The following STOX2 variants were observed in gnomAD, a reference collection of about 807,000 sequenced individuals.
STOX2 encodes the protein storkhead box 2, also known as storkhead-box protein 2.
A neutral mutation model predicts 60.9 loss-of-function variants in STOX2; 28 were observed. That is an observed-to-expected ratio of 0.46 (90% CI 0.34 to 0.63). The LOEUF (loss-of-function observed/expected upper bound fraction) is 0.63, where lower values mean the gene tolerates loss of function less well. Among genes scored for constraint, STOX2 ranks in the 30% least tolerant of loss-of-function variants. STOX2 has a pLI of 0.01. For missense variants in STOX2, 1,024 were observed against 1,187.7 expected (o/e 0.86, Z 2.03); for synonymous variants, 472 against 463.9 (o/e 1.02, Z -0.22).
intron 1 of STOX2, among the ~76,000 whole-genome samples, chr4:183,969,460 G>A (rs1377835117): frequency 1.3e-5 from 2 of 152,206 alleles, no homozygotes; most frequent in East Asian, 1.9e-4. Flanking sequence ...ACAGCAACAC[G>A]GTTTGCTTTG....
rs187090678 is a variant in STOX2 at position 183,936,013 on chromosome 4, C to T, written c.166+29057C>T. On this transcript the variant is annotated intron_variant, in intron 1 of 3. Transcript: ENST00000308497. ...TTTAGATTTTGTATTTCACGACATT[C>T]GTGGGAGAAAAAGCGTTACTTCTTT... Among the ~76,000 whole-genome samples the T allele has an allele frequency of 1.9e-3, 296 of 152,248 alleles. 2 individuals are homozygous for T. Among genetic ancestry groups the T allele is most frequent in the African/African-American group, 6.7e-3 (277 of 41,556 alleles).
At chr4:183,902,451 C>G (rs1274182487), upstream of STOX2, among the ~76,000 whole-genome samples, 1 of 152,098 alleles carries the variant, frequency 6.6e-6, no homozygotes, top group Admixed American at 6.5e-5. Flanking sequence ...AATCGATTTG[C>G]TTTATCATTC....
At chr4:183,878,644 A>G (rs574756369) in intron 1 of STOX2, among the ~76,000 whole-genome samples, 19 of 152,366 alleles carry the variant, frequency 1.2e-4, no homozygotes, top group African/African-American at 3.8e-4. Context: ...AATTTTCTGT[A>G]TAACGACCTC....
intron 1 of STOX2, among the ~76,000 whole-genome samples, chr4:183,926,414 GC>G (rs1295059308): frequency 6.6e-6 from 1 of 152,134 alleles, no homozygotes. Context: ...CCTCATAGGA[GC>G]CAGTGATATT....
intron 1 of STOX2, among the ~76,000 whole-genome samples, chr4:183,956,751 A>G (rs1013770055): frequency 1.3e-5 from 2 of 151,748 alleles, no homozygotes; most frequent in Non-Finnish European, 2.9e-5. Context: ...TAAATTCCAA[A>G]CTCTAAGGAT....
rs1198145483 is a variant in STOX2, at chr4:184,009,928, C to T, written c.1090C>T (p.Arg364Trp). Reference protein sequence around the residue: ...SGRSKKSRTHRKSHGKSRSHS... With the variant: ...SGRSKKSRTHWKSHGKSRSHS... Reference sequence around the variant, plus strand: ...AAGGAGTAAAAAGAGTAGGACTCATCGGAAGTCCCATGGAAAGTCTCGGTC... The same window carrying T: ...AAGGAGTAAAAAGAGTAGGACTCATTGGAAGTCCCATGGAAAGTCTCGGTC... The change falls in exon 3 of 4, where the codon CGG (arginine) becomes TGG (tryptophan). Residue 364 changes from arginine to tryptophan, a missense_variant. Coordinates refer to ENST00000308497, the MANE Select transcript of STOX2 (RefSeq NM_020225.3). The surrounding 1 kb of genome is among the most constrained non-coding windows in gnomAD (Gnocchi z 4.0). 7.4e-6 allele frequency: 12 copies of T among 1,612,932 alleles called. No homozygotes were observed. The highest frequency in any genetic ancestry group is 1.0e-5 in the Non-Finnish European group (12 of 1,179,498).
chr4:183,986,656 T>C (rs1732853883), intron 1 of STOX2, among the ~76,000 whole-genome samples: 1 of 152,254 alleles, frequency 6.6e-6, no homozygotes, highest in African/African-American at 2.4e-5. Context: ...TGTTTGTAGC[T>C]ATCGGATGGG....
At chr4:183,805,880 T>C (rs1275135162) in intron 1 of STOX2, among the ~76,000 whole-genome samples, 2 of 152,210 alleles carry the variant, frequency 1.3e-5, no homozygotes, top group Non-Finnish European at 2.9e-5. Context: ...CAGCTCTTGA[T>C]AGCTTGGCAT....
intron 1 of STOX2, among the ~76,000 whole-genome samples, chr4:183,816,922 T>C (rs1739166994): frequency 6.6e-6 from 1 of 152,258 alleles, no homozygotes; most frequent in South Asian, 2.1e-4. Context: ...TGTCTTTGTC[T>C]AACTGTACGG....
intron 1 of STOX2, among the ~76,000 whole-genome samples, chr4:183,989,814 A>T (rs1211681639): frequency 6.6e-6 from 1 of 152,226 alleles, no homozygotes; most frequent in African/African-American, 2.4e-5. Context: ...AGTACATTAC[A>T]TGCCTCATTT....
At chr4:183,841,183 T>G (rs7657956) in intron 1 of STOX2, among the ~76,000 whole-genome samples, 2 of 104,554 alleles carry the variant, frequency 1.9e-5, no homozygotes, top group Admixed American at 8.6e-5. Flanking sequence ...ATCGTAGTAT[T>G]TATTTATTTA....
chr4:184,006,336 A>G lies in STOX2; in HGVS notation c.320-2822A>G, dbSNP rs1470904733. The stretch of plus-strand genomic sequence containing the variant: ...GGTCGGCTTTAAACATGGGCTTGTT[A>G]TCTTGATTGCTGTGCCAAACAATGA... On this transcript the variant is annotated intron_variant, in intron 2 of 3. Coordinates refer to ENST00000308497, the MANE Select transcript of STOX2 (RefSeq NM_020225.3). 2.6e-5 allele frequency among the ~76,000 whole-genome samples: 4 copies of G among 152,178 alleles called. No homozygotes were observed. The South Asian group carries it at 8.3e-4, about 32-fold the overall frequency.
At position 183,929,924 on chromosome 4, in the gene STOX2, C is replaced by T. The variant is rs976272397; in HGVS notation, c.166+22968C>T. ...TGTCGCCCAGGCTGGAGTGCAGTGG[C>T]ACGATCTCGGCTCACTGCAAGCTCC... On this transcript the variant is annotated intron_variant, in intron 1 of 3. Transcript: ENST00000308497. Among the ~76,000 whole-genome samples the T allele has an allele frequency of 3.3e-5, 5 of 151,362 alleles. No individual in the cohort carries two copies. The East Asian group carries it at 9.8e-4, about 30-fold the overall frequency.
chr4:183,895,089 A>G (rs1424916933), intron 1 of STOX2, among the ~76,000 whole-genome samples: 2 of 152,168 alleles, frequency 1.3e-5, no homozygotes, highest in African/African-American at 4.8e-5. Flanking sequence ...GGAGAGTACA[A>G]TCGCGGACTA....
intron 1 of STOX2, among the ~76,000 whole-genome samples, chr4:183,848,168 A>G (rs1278276648): frequency 2.6e-5 from 4 of 152,226 alleles, no homozygotes; most frequent in Non-Finnish European, 4.4e-5. Context: ...TTTGACTCAC[A>G]TAACAGGAAA....
chr4:183,893,334 C>G (rs1012337644), intron 1 of STOX2, among the ~76,000 whole-genome samples: 7 of 152,178 alleles, frequency 4.6e-5, no homozygotes, highest in Admixed American at 4.6e-4. Flanking sequence ...GTTAGCCGAC[C>G]TAACAGCCTC....
intron 1 of STOX2, among the ~76,000 whole-genome samples, chr4:183,859,971 A>ATG (rs201276400): frequency 6.6e-6 from 1 of 151,998 alleles, no homozygotes; most frequent in South Asian, 2.1e-4. Flanking sequence ...GCAGATTAGA[A>ATG]TGTGTGTGTG....
At chr4:183,801,626 G>A (rs1285918374) in intron 1 of STOX2, among the ~76,000 whole-genome samples, 3 of 152,214 alleles carry the variant, frequency 2.0e-5, no homozygotes, top group Non-Finnish European at 4.4e-5. Flanking sequence ...GATGGAGATG[G>A]GGGTGGGGCG....
At chr4:184,003,031 T>C (rs1379934840) in intron 2 of STOX2, among the ~76,000 whole-genome samples, 2 of 152,268 alleles carry the variant, frequency 1.3e-5, no homozygotes, top group African/African-American at 4.8e-5. Context: ...TCTCTTTTTG[T>C]TAAGTCCTAG....
Sources: gnomAD v4.1 joint callset for allele counts (sites outside exome capture counted in the v4.1 genomes callset) on GRCh38, gnomAD v4.1.1 for gene constraint, Gnocchi (gnomAD v3.1) non-coding constraint, MANE v1.5 for transcripts, NCBI Gene and HGNC (gene_info 2026-07-23, HGNC 2026-07-21) for gene names.